The following TMC3 variants were observed in gnomAD, a reference collection of about 807,000 sequenced individuals.
TMC3 encodes the protein transmembrane channel-like protein 3.
In TMC3, 98 loss-of-function variants were observed where a neutral mutation model predicts 110.6. That is an observed-to-expected ratio of 0.89 (90% CI 0.75 to 1.05). TMC3 has a LOEUF of 1.05. TMC3 is among the 50% of genes least tolerant of loss of function. TMC3 has a pLI of 0.00. For synonymous variants in TMC3, 489 were observed against 513.1 expected, an observed-to-expected ratio of 0.95 and a Z score of 0.63; for missense variants, 1,319 against 1,373.2, an observed-to-expected ratio of 0.96 and a Z score of 0.62.
rs7403085 is a variant in TMC3 at position 81,354,600 on chromosome 15, G to A, written c.935+1125C>T. ...GCACCAAACAGCGGGTACGAGCAAG[G>A]GGTACATGTGTGCAGCTGGTGGTGG... On this transcript the variant is annotated intron_variant, in intron 9 of 21. Coordinates refer to ENST00000359440, the MANE Select transcript of TMC3 (RefSeq NM_001080532.3). 2.5e-3 allele frequency among the ~76,000 whole-genome samples: 383 copies of A among 152,228 alleles called. 4 individuals carry two copies. Among genetic ancestry groups the A allele is most frequent in the Admixed American group, 0.018 (273 of 15,298 alleles).
In TMC3 at chr15:81,355,784, A is replaced by G; in HGVS notation, c.892-16T>C. On this transcript the variant is annotated splice_polypyrimidine_tract_variant and intron_variant, in intron 8 of 21. Coordinates refer to ENST00000359440, the MANE Select transcript of TMC3 (RefSeq NM_001080532.3). Reference sequence around the variant, plus strand: ...ATATAGCTTCCTTTAAGAAAAATACATACAGCAATAAAAGCTTAGCATCAT... The same window carrying G: ...ATATAGCTTCCTTTAAGAAAAATACGTACAGCAATAAAAGCTTAGCATCAT... 1.3e-6 allele frequency: 2 copies of G among 1,529,258 alleles called. No homozygotes were observed. The highest frequency in any genetic ancestry group is 1.8e-6 in the Non-Finnish European group (2 of 1,111,202). The allele number at this position is 1,529,258 out of a possible 1,614,324, so 94.7% of individuals were successfully genotyped here.
rs753602669 is a variant in TMC3 at position 81,332,634 on chromosome 15, C to T, written c.3088G>A (p.Gly1030Arg). The T allele has an allele frequency of 1.7e-5, 28 of 1,613,838 alleles. No individual in the cohort carries two copies. Among genetic ancestry groups the T allele is most frequent in the African/African-American group, 1.5e-4 (11 of 74,908 alleles). ...QYPQPPLKPR[G>R]KPRFEPSLTE... ...AGGGATGGCTCGAACCTGGGCTTCCCTCTGGGCTTCAGAGGGGGCTGTGGG... is the reference window on the plus strand; with the variant it reads ...AGGGATGGCTCGAACCTGGGCTTCCTTCTGGGCTTCAGAGGGGGCTGTGGG... Residue 1030 changes from glycine to arginine, a missense_variant, in exon 22 of 22, where the codon GGG (glycine) becomes AGG (arginine). Gly to Arg is a moderately radical substitution (Grantham distance 125, BLOSUM62 -2). Coordinates refer to ENST00000359440, the MANE Select transcript of TMC3 (RefSeq NM_001080532.3).
chr15:81,355,868 T>A lies in TMC3; in HGVS notation c.892-100A>T, dbSNP rs1050201087. 6 of 720,810 alleles carry A rather than the reference T, an allele frequency of 8.3e-6. No homozygotes were observed. In the Admixed American group the frequency reaches 1.8e-4, roughly 21 times the overall value. 44.7% of individuals were successfully genotyped at this position (720,810 alleles called of 1,614,324 possible). On this transcript the variant is annotated intron_variant, in intron 8 of 21. Transcript: ENST00000359440. ...AGTAATTTAGCTCATACCTTCATTG[T>A]CTAAGACTTTATTCTGTAGGATTCA...
At position 81,372,696 on chromosome 15, in the gene TMC3, C is replaced by T. The variant is rs570920886; in HGVS notation, c.131G>A (p.Ser44Asn). ...CTGGAAGATTTGTTCCGGATCATTG[C>T]TGTCCCCTGTTTCATCAGCACTAAA... ...DSFSADETGD[S>N]NDPEQIFQNI... is the part of the protein sequence containing the mutation. The change falls in exon 2 of 22, where the codon AGC (serine) becomes AAC (asparagine). Residue 44 changes from serine (S) to asparagine (N), a missense_variant. Ser to Asn is a conservative substitution (Grantham distance 46). Coordinates refer to ENST00000359440, the MANE Select transcript of TMC3 (RefSeq NM_001080532.3). The T allele has an allele frequency of 1.2e-6, 2 of 1,613,902 alleles. No individual in the cohort carries two copies. Among genetic ancestry groups the T allele is most frequent in the Non-Finnish European group, 1.7e-6 (2 of 1,179,896 alleles).
chr15:81,374,191 A>G lies in TMC3; in HGVS notation c.-114T>C. 1 of 816,212 alleles carries G rather than the reference A, an allele frequency of 1.2e-6. No individual in the cohort carries two copies. Among genetic ancestry groups the G allele is most frequent in the Non-Finnish European group, 2.0e-6 (1 of 491,948 alleles). 50.6% of individuals were successfully genotyped at this position (816,212 alleles called of 1,614,324 possible). A position where few individuals can be genotyped will look rare whatever the true frequency, so the allele number is the denominator to read the frequency against. ...AGCAGCGGAGTTTGCTCTGCCCGCT[A>G]GTTCTCAGGAAGAAGACTGTGTGCT... On this transcript the variant is annotated 5_prime_UTR_variant, in exon 1 of 22. Coordinates refer to ENST00000359440, the MANE Select transcript of TMC3 (RefSeq NM_001080532.3).
At chr15:81,356,804 A>G (rs1894074580) in intron 7 of TMC3, among the ~76,000 whole-genome samples, 1 of 152,184 alleles carries the variant, frequency 6.6e-6, no homozygotes, top group East Asian at 1.9e-4. Flanking sequence ...TGAAAACTGC[A>G]ATGGCCCATT....
At chr15:81,341,567 C>A in intron 15 of TMC3, 49 bp from the exon 16 acceptor site, 1 of 1,575,070 alleles carries the variant, frequency 6.3e-7, no homozygotes, top group Non-Finnish European at 8.6e-7. Flanking sequence ...TTCAGCCTAT[C>A]TCCCAGGACT....
intron 15 of TMC3, among the ~76,000 whole-genome samples, chr15:81,342,468 A>C (rs1266938466): frequency 6.6e-6 from 1 of 152,218 alleles, no homozygotes; most frequent in Non-Finnish European, 1.5e-5. Context: ...CAGTTACTAC[A>C]GGTAGAAAAG....
intron 3 of TMC3, among the ~76,000 whole-genome samples, chr15:81,362,865 A>C (rs1317010450): frequency 1.3e-5 from 2 of 152,114 alleles, no homozygotes; most frequent in African/African-American, 2.4e-5. Flanking sequence ...AAGAGTCTAG[A>C]GCCTACCCTG....
In TMC3 at chr15:81,337,905, G is replaced by A; in HGVS notation, c.2101C>T (p.Gln701Ter). ...LLLFMLIYYL[Q>*]SIARSLKLSN... ...AGCTTTAGAGACCGTGCGATGCTCT[G>A]GAGATAATAGATGAGCATGCTAGGA... Residue 701 changes from glutamine (Q) to a stop codon, truncating the protein, a stop_gained, in exon 19 of 22, where the codon CAG (glutamine) becomes TAG (stop). Transcript: ENST00000359440. LOFTEE classifies it high-confidence loss of function. The A allele has an allele frequency of 6.2e-7, 1 of 1,613,840 alleles. No homozygotes were observed. Among genetic ancestry groups the A allele is most frequent in the Non-Finnish European group, 8.5e-7 (1 of 1,179,746 alleles).
At chr15:81,340,351 C>T (rs1893688267) in intron 16 of TMC3, among the ~76,000 whole-genome samples, 2 of 152,120 alleles carry the variant, frequency 1.3e-5, no homozygotes, top group Admixed American at 6.6e-5. Flanking sequence ...TGTCTATCCA[C>T]AGACATACAT....
chr15:81,361,819 C>T (rs28701048), intron 4 of TMC3: 24,084 of 156,676 alleles, frequency 0.15, 3,579 homozygotes, highest in African/African-American at 0.4. Context: ...TATTTTTTGG[C>T]GTATGTTTTC....
Position 81,346,410 on chromosome 15 carries a change from G to A in TMC3, c.1227C>T (p.Ser409=). ...VLVLYLGNLY[S]LIIALLDKVN... ...CTTTGTCCAGGAGAGCAATGATCAG[G>A]CTGTAGAGATTTCCCAAATACAGCA... is the stretch of plus-strand genomic sequence containing the variant. Residue 409 remains serine, a synonymous_variant, in exon 12 of 22, where the codon AGC becomes AGT. Coordinates refer to ENST00000359440, the MANE Select transcript of TMC3 (RefSeq NM_001080532.3). The A allele has an allele frequency of 6.2e-7, 1 of 1,613,708 alleles. No individual in the cohort carries two copies. The highest frequency in any genetic ancestry group is 8.5e-7 in the Non-Finnish European group (1 of 1,179,822).
chr15:81,358,416 C>G lies in TMC3; in HGVS notation c.586G>C (p.Val196Leu), dbSNP rs7497202. The G allele has an allele frequency of 6.2e-7, 1 of 1,613,508 alleles. No homozygotes were observed. Among genetic ancestry groups the G allele is most frequent in the Non-Finnish European group, 8.5e-7 (1 of 1,179,590 alleles). The change falls in exon 6 of 22, where the codon GTC becomes CTC. Residue 196 changes from valine to leucine, a missense_variant. Transcript: ENST00000359440. ...QVSSAQDLDT[V>L]WSLGGYLQYS... is the part of the protein sequence containing the mutation. ...ATCAATCTCACCCCCAGAGACCAGA[C>G]GGTGTCCAGGTCTTGGGCAGACGAA... is the stretch of plus-strand genomic sequence containing the variant.
At position 81,351,754 on chromosome 15, in the gene TMC3, C is replaced by T. The variant is rs936128379; in HGVS notation, c.1023G>A (p.Val341=). ...ACTGCTCCAGCTTCTGGGACCGGTC[C>T]ACCACAAAGTAGATGAGATAAATGC... is the stretch of plus-strand genomic sequence containing the variant. The part of the protein sequence containing the change: ...AGSIYLIYFV[V]DRSQKLEQSK... Residue 341 remains valine, a synonymous_variant, in exon 10 of 22, where the codon GTG becomes GTA. Coordinates refer to ENST00000359440, the MANE Select transcript of TMC3 (RefSeq NM_001080532.3). The T allele has an allele frequency of 3.8e-6, 6 of 1,594,490 alleles. No homozygotes were observed. The African/African-American group carries it at 6.7e-5, about 18-fold the overall frequency.
chr15:81,372,393 C>G (rs940550503), intron 2 of TMC3, among the ~76,000 whole-genome samples, 198 bp downstream of exon 2: 2 of 139,182 alleles, frequency 1.4e-5, no homozygotes, highest in African/African-American at 6.3e-5. Flanking sequence ...CACACACACA[C>G]ACACACACAC....
At chr15:81,366,379 C>G (rs145951418) in intron 3 of TMC3, among the ~76,000 whole-genome samples, 1 of 152,142 alleles carries the variant, frequency 6.6e-6, no homozygotes, top group Non-Finnish European at 1.5e-5. Context: ...TGGGTTAGCA[C>G]GAGCTGAGCG....
chr15:81,352,947 G>A (rs919868914), intron 9 of TMC3, among the ~76,000 whole-genome samples: 1 of 144,034 alleles, frequency 6.9e-6, no homozygotes, highest in Non-Finnish European at 1.5e-5. Flanking sequence ...AGCCTCCTGA[G>A]TAGCTGGGAT....
At chr15:81,357,361 T>A (rs1894087620) in intron 7 of TMC3, among the ~76,000 whole-genome samples, 1 of 151,392 alleles carries the variant, frequency 6.6e-6, no homozygotes, top group East Asian at 2.0e-4. Context: ...CACAAGGGGG[T>A]TGGGCAATGA....
Sources: gnomAD v4.1 joint callset for allele counts (sites outside exome capture counted in the v4.1 genomes callset) on GRCh38, gnomAD v4.1.1 for gene constraint, MANE v1.5 for transcripts, NCBI Gene and HGNC (gene_info 2026-07-23, HGNC 2026-07-21) for gene names.